The following ASNS variants were observed in gnomAD, a reference collection of about 807,000 sequenced individuals.
ASNS encodes the protein asparagine synthetase [glutamine-hydrolyzing].
Under a neutral mutation model 62.6 loss-of-function variants are expected in ASNS, and 37 were observed. That is an observed-to-expected ratio of 0.59 (90% CI 0.45 to 0.78). The LOEUF (loss-of-function observed/expected upper bound fraction) is 0.78. Among genes scored for constraint, ASNS ranks in the 30% least tolerant of loss-of-function variants. The pLI is 0.00. For missense variants in ASNS, 520 were observed against 682.4 expected, an observed-to-expected ratio of 0.76 and a Z score of 2.65; for synonymous variants, 207 against 237.9, an observed-to-expected ratio of 0.87 and a Z score of 1.19.
At chr7:97,924,500 G>C in the ASNS span, among the ~76,000 whole-genome samples, 1 of 152,222 alleles carries the variant, frequency 6.6e-6, no homozygotes, top group South Asian at 2.1e-4. Context: ...GTCCAGCTGT[G>C]CTCAAATGGA....
chr7:97,918,784 G>C, the ASNS span, among the ~76,000 whole-genome samples: 1 of 152,086 alleles, frequency 6.6e-6, no homozygotes, highest in Non-Finnish European at 1.5e-5. Flanking sequence ...GTCGGGGGTG[G>C]GGAACAAGGG....
At chr7:97,912,473 A>ACATTCCT in the ASNS span, among the ~76,000 whole-genome samples, 4 of 151,320 alleles carry the variant, frequency 2.6e-5, no homozygotes, top group African/African-American at 9.7e-5. Flanking sequence ...TGGTTTCCAC[A>ACATTCCT]CATTCCTTAG....
At chr7:97,909,292 C>T in the ASNS span, among the ~76,000 whole-genome samples, 1 of 122,036 alleles carries the variant, frequency 8.2e-6, no homozygotes, top group Admixed American at 1.1e-4. Flanking sequence ...TCCTCACATA[C>T]ACTTTTTTTT....
the ASNS span, among the ~76,000 whole-genome samples, chr7:97,880,790 A>G: frequency 6.6e-6 from 1 of 152,232 alleles, no homozygotes; most frequent in Admixed American, 6.5e-5. Context: ...GGAGATTCTC[A>G]AACACAGCTG....
the ASNS span, among the ~76,000 whole-genome samples, chr7:97,912,475 A>G: frequency 6.7e-6 from 1 of 148,584 alleles, no homozygotes; most frequent in Non-Finnish European, 1.5e-5. Flanking sequence ...GTTTCCACAC[A>G]TTCCTTAGAT....
the ASNS span, among the ~76,000 whole-genome samples, chr7:97,880,507 CAG>C: frequency 6.6e-6 from 1 of 152,134 alleles, no homozygotes; most frequent in Non-Finnish European, 1.5e-5. Context: ...AGGGCGAACA[CAG>C]GGGAAACCTA....
the ASNS span, among the ~76,000 whole-genome samples, chr7:97,926,119 T>G: frequency 2.6e-3 from 351 of 135,674 alleles, 1 homozygote; most frequent in African/African-American, 9.1e-3. Flanking sequence ...TCTCCTGGGG[T>G]CCCGATTTAC....
chr7:97,860,571 G>GT, intron 4 of ASNS, among the ~76,000 whole-genome samples: 1 of 152,292 alleles, frequency 6.6e-6, no homozygotes, highest in South Asian at 2.1e-4. Context: ...TACAAACACT[G>GT]TGACTAGTGT....
the ASNS span, among the ~76,000 whole-genome samples, chr7:97,925,623 AG>A: frequency 5.3e-5 from 8 of 152,340 alleles, no homozygotes; most frequent in African/African-American, 1.9e-4. Flanking sequence ...CTCCTCAGCA[AG>A]AAGGGAAAAT....
intron 1 of ASNS, among the ~76,000 whole-genome samples, chr7:97,871,315 G>A (rs912303546): frequency 2.0e-5 from 3 of 152,104 alleles, no homozygotes; most frequent in African/African-American, 7.2e-5. Flanking sequence ...GGTGGCTAGC[G>A]CCTACCGAAC....
the ASNS span, among the ~76,000 whole-genome samples, chr7:97,891,576 A>G: frequency 0.011 from 1,714 of 152,340 alleles, 22 homozygotes; most frequent in African/African-American, 0.039. Context: ...CTTCCTAGAT[A>G]CAATGGGGGT....
the ASNS span, among the ~76,000 whole-genome samples, chr7:97,884,541 G>A: frequency 6.6e-6 from 1 of 151,964 alleles, no homozygotes; most frequent in East Asian, 1.9e-4. Context: ...AAGAGTGAAA[G>A]TCCGTCTCCA....
rs141000130 is a variant in ASNS at position 97,868,825 on chromosome 7, A to G, written c.249+83T>C. The G allele has an allele frequency of 8.6e-4, 1,345 of 1,562,982 alleles. 12 individuals are homozygous for G. In the African/African-American group the frequency reaches 0.016, roughly 19 times the overall value. On this transcript the variant is annotated intron_variant, in intron 3 of 12. Transcript: ENST00000394308. The stretch of plus-strand genomic sequence containing the variant: ...TAGAGTGCTTTGCAAAGGAAAAAGC[A>G]TGATACAGAATATGTAACATCATCG...
the ASNS span, among the ~76,000 whole-genome samples, chr7:97,925,339 G>A: frequency 2.6e-5 from 4 of 151,786 alleles, no homozygotes; most frequent in Non-Finnish European, 5.9e-5. Context: ...ACCCAAGCTC[G>A]ACACTCTCAC....
upstream of ASNS, among the ~76,000 whole-genome samples, chr7:97,876,633 G>C (rs1792443957): frequency 6.6e-6 from 1 of 151,806 alleles, no homozygotes; most frequent in Non-Finnish European, 1.5e-5. Context: ...TCACCATGTT[G>C]TCCAGGATGC....
chr7:97,860,963 G>A (rs867862281), intron 4 of ASNS, among the ~76,000 whole-genome samples: 4 of 148,642 alleles, frequency 2.7e-5, no homozygotes, highest in African/African-American at 9.9e-5. Flanking sequence ...TGCTTCTCGG[G>A]ATTTTATAGT....
chr7:97,916,688 T>C, the ASNS span, among the ~76,000 whole-genome samples: 1 of 152,202 alleles, frequency 6.6e-6, no homozygotes, highest in African/African-American at 2.4e-5. Flanking sequence ...GAGGTGGCTG[T>C]TGCCTGGGTT....
At chr7:97,865,264 TGTAC>T (rs1791909796) in intron 3 of ASNS, among the ~76,000 whole-genome samples, 1 of 152,238 alleles carries the variant, frequency 6.6e-6, no homozygotes, top group Admixed American at 6.5e-5. Flanking sequence ...GTTAAACAGC[TGTAC>T]AAACAATGGC....
At position 97,855,460 on chromosome 7, in the gene ASNS, C is replaced by G; in HGVS notation, c.1031-1G>C. ...ATATACTTGGAAATTAAATACATAC[C>G]TTAAATGAGAGAGAGAAATTAACTT... On this transcript the variant is annotated splice_acceptor_variant, in intron 8 of 12. Coordinates refer to ENST00000394308, the MANE Select transcript of ASNS (RefSeq NM_001673.5). LOFTEE classifies it high-confidence loss of function. The G allele has an allele frequency of 6.3e-7, 1 of 1,597,898 alleles. No individual in the cohort carries two copies. Among genetic ancestry groups the G allele is most frequent in the Non-Finnish European group, 8.6e-7 (1 of 1,168,912 alleles).
Sources: gnomAD v4.1 joint callset for allele counts (sites outside exome capture counted in the v4.1 genomes callset) on GRCh38, gnomAD v4.1.1 for gene constraint, MANE v1.5 for transcripts, NCBI Gene and HGNC (gene_info 2026-07-23, HGNC 2026-07-21) for gene names.